NRG1: variants seen among roughly 807,000 people sequenced by gnomAD.
NRG1 encodes neuregulin 1.
NRG1 carries 18 observed loss-of-function variants against 63.8 expected under a neutral mutation model. That is an observed-to-expected ratio of 0.28 (90% confidence interval 0.19 to 0.42). The LOEUF (loss-of-function observed/expected upper bound fraction) is 0.42. NRG1 is among the 10% of genes least tolerant of loss of function. The pLI, the probability that NRG1 is intolerant of heterozygous loss-of-function variation, is 1.00. For missense variants in NRG1, 762 were observed against 814.7 expected, an observed-to-expected ratio of 0.94 and a Z score of 0.79; for synonymous variants, 302 against 301.3, an observed-to-expected ratio of 1.00 and a Z score of -0.02.
At chr8:32,414,305 G>A (rs1370957698) in intron 1 of NRG1, among the ~76,000 whole-genome samples, 1 of 152,140 alleles carries the variant, frequency 6.6e-6, no homozygotes, top group African/African-American at 2.4e-5. Context: ...AGTCTGTTCA[G>A]CTCGAAGCTG....
At chr8:32,438,508 G>A (rs996015654) in intron 1 of NRG1, among the ~76,000 whole-genome samples, 2 of 152,068 alleles carry the variant, frequency 1.3e-5, no homozygotes, top group Non-Finnish European at 2.9e-5. Context: ...ACAGATTTTT[G>A]TGTAAACATA....
upstream of NRG1, among the ~76,000 whole-genome samples, chr8:32,546,511 G>C (rs1002711250): frequency 2.6e-5 from 4 of 152,108 alleles, no homozygotes; most frequent in African/African-American, 9.7e-5. Flanking sequence ...TGCTTACTGA[G>C]CAGTGGCCCC....
chr8:32,392,182 C>A (rs1811859508), intron 1 of NRG1, among the ~76,000 whole-genome samples: 1 of 152,124 alleles, frequency 6.6e-6, no homozygotes, highest in South Asian at 2.1e-4. Flanking sequence ...TAGATGCCAC[C>A]AATAAGGGGA....
intron 4 of NRG1, among the ~76,000 whole-genome samples, chr8:32,615,541 C>T (rs991995641): frequency 3.9e-5 from 6 of 151,944 alleles, no homozygotes; most frequent in Admixed American, 6.6e-5. Context: ...ATTTCAAGTT[C>T]GATATTCTTT....
chr8:31,643,633 C>A (rs1804010407), intron 1 of NRG1, among the ~76,000 whole-genome samples: 1 of 152,200 alleles, frequency 6.6e-6, no homozygotes, highest in Non-Finnish European at 1.5e-5. Context: ...ATGACACTTC[C>A]TTTACAGTTA....
intron 1 of NRG1, among the ~76,000 whole-genome samples, chr8:32,010,031 C>T (rs1490480379): frequency 6.6e-6 from 1 of 151,974 alleles, no homozygotes; most frequent in East Asian, 1.9e-4. Context: ...AGGGTGGTCA[C>T]CTGCTGCTTG....
chr8:32,634,052 T>G (rs1165775664), intron 5 of NRG1, among the ~76,000 whole-genome samples: 1 of 135,714 alleles, frequency 7.4e-6, no homozygotes, highest in Non-Finnish European at 1.5e-5. Flanking sequence ...GCTGAAACAG[T>G]AGGATCACTT....
intron 1 of NRG1, among the ~76,000 whole-genome samples, chr8:31,885,698 G>A (rs1335060037): frequency 6.6e-6 from 1 of 152,064 alleles, no homozygotes; most frequent in Non-Finnish European, 1.5e-5. Flanking sequence ...AGTACAGTTA[G>A]TATGTCCTGA....
intron 5 of NRG1, among the ~76,000 whole-genome samples, chr8:32,722,493 G>GA (rs1196464424): frequency 2.6e-5 from 4 of 152,088 alleles, no homozygotes; most frequent in African/African-American, 9.7e-5. Context: ...GATTCCATGG[G>GA]AAAATATTTA....
Position 32,482,097 on chromosome 8 carries a change from G to T in NRG1, c.38-113731G>T, listed in dbSNP as rs558414664. ...GAGTAACAGAAGATGACTGGGAACA[G>T]AACCGTGAACAGAATTAAGCACCTG... On this transcript the variant is annotated intron_variant, in intron 1 of 10. Transcript: ENST00000519301. Among the ~76,000 whole-genome samples the T allele has an allele frequency of 1.2e-4, 18 of 152,184 alleles. No individual in the cohort carries two copies. The South Asian group carries it at 3.3e-3, about 28-fold the overall frequency.
chr8:32,700,749 A>G (rs1389010477), intron 5 of NRG1, among the ~76,000 whole-genome samples: 1 of 152,236 alleles, frequency 6.6e-6, no homozygotes, highest in Non-Finnish European at 1.5e-5. Flanking sequence ...AAGATAGTAT[A>G]TGTAATTCAT....
At chr8:32,049,091 T>C (rs954823552) in intron 1 of NRG1, among the ~76,000 whole-genome samples, 1 of 152,078 alleles carries the variant, frequency 6.6e-6, no homozygotes, top group African/African-American at 2.4e-5. Context: ...GAGCTTCTCC[T>C]CCACTAATGA....
At position 31,758,101 on chromosome 8, in the gene NRG1, G is replaced by A. The variant is rs186610413; in HGVS notation, c.37+118670G>A. ...CACCTTTAAGTTGTGGGATACATGT[G>A]CAGAACGTGCAGGTTTGTTACATAG... On this transcript the variant is annotated intron_variant, in intron 1 of 10. Transcript: ENST00000519301. Among the ~76,000 whole-genome samples, 1,004 of 152,142 alleles carry A rather than the reference G, an allele frequency of 6.6e-3. 7 individuals carry two copies. Among genetic ancestry groups the A allele is most frequent in the South Asian group, 0.025 (119 of 4,826 alleles).
At chr8:32,488,910 T>G (rs1826215173) in intron 1 of NRG1, among the ~76,000 whole-genome samples, 1 of 152,120 alleles carries the variant, frequency 6.6e-6, no homozygotes, top group African/African-American at 2.4e-5. Flanking sequence ...CCTCAATTCT[T>G]CCCTCTTTAG....
chr8:31,944,844 G>A (rs773668821), intron 1 of NRG1, among the ~76,000 whole-genome samples: 32 of 152,206 alleles, frequency 2.1e-4, no homozygotes, highest in Non-Finnish European at 2.4e-4. Flanking sequence ...GGAACCAGCT[G>A]TATGTAGTGT....
At chr8:32,330,898 A>G (rs899742124) in intron 1 of NRG1, among the ~76,000 whole-genome samples, 6 of 152,104 alleles carry the variant, frequency 3.9e-5, no homozygotes, top group Admixed American at 3.3e-4. Flanking sequence ...CATGACATTT[A>G]TTCTCTTCTG....
chr8:32,705,185 T>C (rs867762086), intron 5 of NRG1, among the ~76,000 whole-genome samples: 3 of 148,238 alleles, frequency 2.0e-5, no homozygotes, highest in Middle Eastern at 3.6e-3. Flanking sequence ...CAGGCTGGAG[T>C]GCAGTGGCGA....
intron 1 of NRG1, among the ~76,000 whole-genome samples, chr8:32,190,024 C>T (rs766926922): frequency 6.6e-6 from 1 of 152,008 alleles, no homozygotes; most frequent in Non-Finnish European, 1.5e-5. Context: ...TCAAAACTGA[C>T]GAAGTAAATC....
At chr8:32,176,245 T>G (rs554983010) in intron 1 of NRG1, among the ~76,000 whole-genome samples, 27 of 152,306 alleles carry the variant, frequency 1.8e-4, no homozygotes, top group African/African-American at 6.0e-4. Context: ...CCCTATTTAA[T>G]AAATGGTGCT....
Sources: gnomAD v4.1 joint callset for allele counts (sites outside exome capture counted in the v4.1 genomes callset) on GRCh38, gnomAD v4.1.1 for gene constraint, MANE v1.5 for transcripts, NCBI Gene and HGNC (gene_info 2026-07-23, HGNC 2026-07-21) for gene names.